The following MSRB2 variants were observed in gnomAD, a reference collection of about 807,000 sequenced individuals.
MSRB2 encodes methionine-R-sulfoxide reductase B2, mitochondrial.
A neutral mutation model predicts 19.0 loss-of-function variants in MSRB2; 17 were observed. That is an observed-to-expected ratio of 0.89 (90% CI 0.61 to 1.34). The LOEUF is 1.34. Among genes scored for constraint, MSRB2 ranks in the 40% most tolerant of loss-of-function variants. MSRB2 has a pLI of 0.00. For missense variants in MSRB2, 208 were observed against 237.6 expected, an observed-to-expected ratio of 0.88 and a Z score of 0.82; for synonymous variants, 107 against 99.7, an observed-to-expected ratio of 1.07 and a Z score of -0.44.
intron 3 of MSRB2, among the ~76,000 whole-genome samples, chr10:23,118,660 T>G (rs1249685520): frequency 6.6e-6 from 1 of 152,208 alleles, no homozygotes. Context: ...GAACTTACCA[T>G]GTGCCCAGCA....
intron 1 of MSRB2, among the ~76,000 whole-genome samples, chr10:23,096,348 C>CTGTGTGTGTGTGTGTGTG (rs1471780853): frequency 2.1e-4 from 12 of 58,418 alleles, no homozygotes; most frequent in African/African-American, 6.9e-4. Flanking sequence ...GTCTCTCTCT[C>CTGTGTGTGTGTGTGTGTG]TCTCTGTGTG....
At chr10:23,117,875 G>A (rs533221493) in intron 3 of MSRB2, among the ~76,000 whole-genome samples, 2 of 152,302 alleles carry the variant, frequency 1.3e-5, no homozygotes, top group African/African-American at 4.8e-5. Flanking sequence ...ATAGGCGTGG[G>A]CCACCACGCC....
intron 3 of MSRB2, among the ~76,000 whole-genome samples, chr10:23,118,171 T>TG (rs1433718715): frequency 6.6e-6 from 1 of 152,146 alleles, no homozygotes; most frequent in East Asian, 1.9e-4. Flanking sequence ...CTATTAATTT[T>TG]GGGGACACAG....
chr10:23,110,862 A>G (rs746753924), intron 3 of MSRB2, among the ~76,000 whole-genome samples: 1 of 152,304 alleles, frequency 6.6e-6, no homozygotes, highest in South Asian at 2.1e-4. Flanking sequence ...TTTTAAGTCA[A>G]TCAGGATCTG....
chr10:23,115,894 T>C (rs1840105189), intron 3 of MSRB2, among the ~76,000 whole-genome samples: 2 of 152,204 alleles, frequency 1.3e-5, no homozygotes, highest in East Asian at 1.9e-4. Context: ...TCAATCAAAA[T>C]ACCTTTAATG....
intron 1 of MSRB2, among the ~76,000 whole-genome samples, chr10:23,100,236 C>T (rs1839913073): frequency 1.3e-5 from 2 of 152,160 alleles, no homozygotes; most frequent in African/African-American, 2.4e-5. Context: ...CTCACAAATT[C>T]CCCCACGGGA....
chr10:23,095,636 G>A lies in MSRB2; in HGVS notation c.28G>A (p.Gly10Ser), dbSNP rs1839850747. The part of the protein sequence containing the change: MARLLWLLR[G>S]LTLGTAPRRA... ...GGCGCGGCTCCTCTGGTTGCTCCGG[G>A]GCCTGACCCTCGGAACTGCGCCTCG... The change falls in exon 1 of 5, where the codon GGC becomes AGC. Residue 10 changes from glycine (G) to serine (S), a missense_variant. By Grantham distance (56) the Gly-to-Ser change is moderately conservative. Transcript: ENST00000376510. 1 of 1,463,882 alleles carries A rather than the reference G, an allele frequency of 6.8e-7. No individual in the cohort carries two copies. Among genetic ancestry groups the A allele is most frequent in the Non-Finnish European group, 9.0e-7 (1 of 1,114,170 alleles). The allele number at this position is 1,463,882 out of a possible 1,614,324, so 90.7% of individuals were successfully genotyped here. A position where few individuals can be genotyped will look rare whatever the true frequency, so the allele number is the denominator to read the frequency against.
At chr10:23,108,465 G>C (rs1327392813) in intron 2 of MSRB2, among the ~76,000 whole-genome samples, 2 of 147,384 alleles carry the variant, frequency 1.4e-5, no homozygotes, top group African/African-American at 5.0e-5. Flanking sequence ...GGAAGGATGG[G>C]AAACTTCCTC....
chr10:23,098,569 G>A (rs1839892159), intron 1 of MSRB2, among the ~76,000 whole-genome samples: 1 of 152,206 alleles, frequency 6.6e-6, no homozygotes, highest in African/African-American at 2.4e-5. Flanking sequence ...TGGAAAATGT[G>A]TAGCCCCCAA....
At chr10:23,112,773 G>A (rs1840070205) in intron 3 of MSRB2, among the ~76,000 whole-genome samples, 1 of 152,074 alleles carries the variant, frequency 6.6e-6, no homozygotes, top group African/African-American at 2.4e-5. Context: ...TAGTAGAGAC[G>A]GGGTTTCACC....
rs143013334 is a variant in MSRB2 at position 23,113,389 on chromosome 10, G to A, written c.296+3071G>A. Among the ~76,000 whole-genome samples, 492 of 151,938 alleles carry A rather than the reference G, an allele frequency of 3.2e-3. 3 individuals are homozygous for A. Among genetic ancestry groups the A allele is most frequent in the African/African-American group, 0.011 (468 of 41,342 alleles). On this transcript the variant is annotated intron_variant, in intron 3 of 4. Transcript: ENST00000376510. ...ACCTTCTCTGATAGCACACACCATG[G>A]GTTTTTTTTTAATCTGCTTCAAATT...
At chr10:23,102,048 C>A (rs1295125229) in intron 1 of MSRB2, among the ~76,000 whole-genome samples, 2 of 152,090 alleles carry the variant, frequency 1.3e-5, no homozygotes, top group Non-Finnish European at 2.9e-5. Context: ...TTTCTCCTCA[C>A]AATTAAACTG....
chr10:23,114,443 T>G (rs1840088701), intron 3 of MSRB2, among the ~76,000 whole-genome samples: 1 of 151,784 alleles, frequency 6.6e-6, no homozygotes, highest in South Asian at 2.1e-4. Flanking sequence ...TGCCAGACAC[T>G]GGGCTCTAGT....
chr10:23,109,530 G>C (rs964367417), intron 2 of MSRB2, among the ~76,000 whole-genome samples: 4 of 118,308 alleles, frequency 3.4e-5, no homozygotes, highest in South Asian at 3.0e-4. Context: ...GTGACAGTGA[G>C]ACTTCATCTC....
Position 23,104,017 on chromosome 10 carries a change from G to A in MSRB2, c.119-127G>A, listed in dbSNP as rs770207186. On this transcript the variant is annotated intron_variant, in intron 1 of 4. Coordinates refer to ENST00000376510, the MANE Select transcript of MSRB2 (RefSeq NM_012228.4). ...TCTGGTCCCCATGAAGAATAAACTC[G>A]TGGGAGAGAGAGGAAGGGACTGGAT... 2.2e-5 allele frequency: 13 copies of A among 595,894 alleles called. No homozygotes were observed. In the Middle Eastern group the frequency reaches 8.1e-4, roughly 37 times the overall value. 36.9% of individuals were successfully genotyped at this position (595,894 alleles called of 1,614,324 possible).
At chr10:23,117,642 G>A (rs1362328561) in intron 3 of MSRB2, among the ~76,000 whole-genome samples, 4 of 152,200 alleles carry the variant, frequency 2.6e-5, no homozygotes, top group Admixed American at 6.5e-5. Flanking sequence ...ACAGAGTCTC[G>A]CTCTGTTGAC....
chr10:23,095,867 C>A (rs919108097), intron 1 of MSRB2, 141 bp downstream of exon 1: 10 of 459,410 alleles, frequency 2.2e-5, no homozygotes, highest in Admixed American at 4.6e-5. Context: ...CTCCCCCCCC[C>A]CAGCCCGAGG....
At chr10:23,106,197 T>G (rs1450196961) in intron 2 of MSRB2, among the ~76,000 whole-genome samples, 1 of 152,250 alleles carries the variant, frequency 6.6e-6, no homozygotes, top group African/African-American at 2.4e-5. Flanking sequence ...TATAAATCCC[T>G]TTCCATGGAT....
chr10:23,119,492 C>T, intron 4 of MSRB2, 41 bp downstream of exon 4: 1 of 1,596,966 alleles, frequency 6.3e-7, no homozygotes, highest in Non-Finnish European at 8.6e-7. Flanking sequence ...TGATGCTGCC[C>T]CCAATGCCAC....
Sources: gnomAD v4.1 joint callset for allele counts (sites outside exome capture counted in the v4.1 genomes callset) on GRCh38, gnomAD v4.1.1 for gene constraint, MANE v1.5 for transcripts, NCBI Gene and HGNC (gene_info 2026-07-23, HGNC 2026-07-21) for gene names.